ERBB2: variants seen among roughly 807,000 people sequenced by gnomAD.
The protein encoded by ERBB2 is erb-b2 receptor tyrosine kinase 2, also known as receptor tyrosine-protein kinase erbB-2.
ERBB2 carries 61 observed loss-of-function variants against 149.0 expected under a neutral mutation model. The ratio of observed to expected loss-of-function variants is 0.41; its 90% confidence interval spans 0.33 to 0.51. The LOEUF is 0.51. Ranked by LOEUF, ERBB2 falls within the 20% of genes least tolerant of loss-of-function variation. The probability of loss-of-function intolerance (pLI) is 0.25; values close to 1 mark genes in which losing one functional copy is unlikely to be tolerated. For missense variants in ERBB2, 1,205 were observed against 1,655.1 expected (o/e 0.73, Z 4.72); for synonymous variants, 633 against 678.8 (o/e 0.93, Z 1.05).
Position 39,709,436 on chromosome 17 carries a change from C to G in ERBB2, c.558C>G (p.Thr186=), listed in dbSNP as rs1406426210. The G allele has an allele frequency of 3.1e-6, 5 of 1,613,990 alleles. No individual in the cohort carries two copies. Among genetic ancestry groups the G allele is most frequent in the South Asian group, 1.1e-5 (1 of 91,076 alleles). ...NNQLALTLID[T]NRSRACHPCS... ...AGCTGGCTCTCACACTGATAGACAC[C>G]AACCGCTCTCGGGCCTGTAAGCCAT... Residue 186 remains threonine, a synonymous_variant, in exon 4 of 27, where the codon ACC becomes ACG. Transcript: ENST00000269571.
intron 9 of ERBB2, 31 bp downstream of exon 9, chr17:39,712,479 G>A: frequency 3.1e-6 from 5 of 1,610,280 alleles, no homozygotes; most frequent in Non-Finnish European, 4.2e-6. Flanking sequence ...CTGAGACAGT[G>A]TCAGGGCAGA....
At chr17:39,688,702 T>C (rs1057044878) in exon 2 of ERBB2, 5 of 152,380 alleles carry the variant, frequency 3.3e-5, no homozygotes, top group African/African-American at 9.7e-5. Flanking sequence ...CTAGTCGCAA[T>C]TGAAGTACCA....
intron 2 of ERBB2, 44 bp from the exon 3 acceptor site, chr17:39,708,277 T>A (rs752427170): frequency 6.6e-7 from 1 of 1,525,852 alleles, no homozygotes; most frequent in South Asian, 1.2e-5. Flanking sequence ...CCCTGGGGGG[T>A]GGCAGTGTTC....
chr17:39,703,474 G>A (rs942716802), intron 1 of ERBB2: 11 of 152,198 alleles, frequency 7.2e-5, no homozygotes, highest in African/African-American at 2.2e-4. Context: ...TTATTCTAGC[G>A]AATGTTTGTG....
At position 39,727,115 on chromosome 17, in the gene ERBB2, A is replaced by G. The variant is rs2059811857; in HGVS notation, c.3159+112A>G. On this transcript the variant is annotated intron_variant, in intron 25 of 26. Transcript: ENST00000269571. The surrounding 1 kb of genome is among the most constrained non-coding windows in gnomAD (Gnocchi z 4.3). ...AACTGTCACCTCTCAAGGAAACCCC[A>G]TTATCCCTACAAAAAATTCTTACTG... 3 of 1,251,374 alleles carry G rather than the reference A, an allele frequency of 2.4e-6. No homozygotes were observed. The highest frequency in any genetic ancestry group is 1.5e-5 in the African/African-American group (1 of 66,374). The allele number at this position is 1,251,374 out of a possible 1,614,324, so 77.5% of individuals were successfully genotyped here.
chr17:39,724,189 G>A (rs2059605536), intron 19 of ERBB2, among the ~76,000 whole-genome samples, 179 bp downstream of exon 19: 1 of 151,610 alleles, frequency 6.6e-6, no homozygotes, highest in South Asian at 2.1e-4. Flanking sequence ...CGTTATCTCG[G>A]CTCACTGCAA....
In ERBB2 at chr17:39,709,333, G is replaced by A. The variant is rs151122410; in HGVS notation, c.455G>A (p.Gly152Glu). Residue 152 changes from glycine (G) to glutamate (E), a missense_variant, in exon 4 of 27, where the codon GGG becomes GAG. By Grantham distance (98) the Gly-to-Glu change is moderately conservative. Transcript: ENST00000269571. ...LRSLTEILKGGVLIQRNPQLC... is the reference protein window; with the variant it reads ...LRSLTEILKGEVLIQRNPQLC... ...CACCCCACAGAGATCTTGAAAGGAG[G>A]GGTCTTGATCCAGCGGAACCCCCAG... 1 of 1,614,068 alleles carries A rather than the reference G, an allele frequency of 6.2e-7. No homozygotes were observed. The highest frequency in any genetic ancestry group is 8.5e-7 in the Non-Finnish European group (1 of 1,180,022).
upstream of ERBB2, among the ~76,000 whole-genome samples, chr17:39,699,343 C>A (rs1355114876): frequency 2.0e-5 from 3 of 152,020 alleles, no homozygotes; most frequent in East Asian, 5.8e-4. Flanking sequence ...TGCCTGTAAT[C>A]CCAGCTGCTC....
chr17:39,718,789 T>C (rs1217556461), intron 15 of ERBB2, among the ~76,000 whole-genome samples: 1 of 152,162 alleles, frequency 6.6e-6, no homozygotes, highest in Admixed American at 6.6e-5. Flanking sequence ...TTTCACTTTG[T>C]TTTTGAGGGA....
At chr17:39,691,114 A>C (rs2057686291), upstream of ERBB2, among the ~76,000 whole-genome samples, 2 of 152,056 alleles carry the variant, frequency 1.3e-5, no homozygotes, top group East Asian at 1.9e-4. Context: ...ATTGGTAGAG[A>C]GTCTACAATG....
At chr17:39,719,944 C>A in intron 16 of ERBB2, 110 bp downstream of exon 16, 1 of 975,164 alleles carries the variant, frequency 1.0e-6, no homozygotes. Context: ...CCTTCCCACC[C>A]ACTCTTCCAC....
rs376492786 is a variant in ERBB2, at chr17:39,709,138, T to C, written c.440-180T>C. 133 of 691,952 alleles carry C rather than the reference T, an allele frequency of 1.9e-4. No homozygotes were observed. In the African/African-American group the frequency reaches 2.1e-3, roughly 11 times the overall value. 42.9% of individuals were successfully genotyped at this position (691,952 alleles called of 1,614,324 possible). A position where few individuals can be genotyped will look rare whatever the true frequency, so the allele number is the denominator to read the frequency against. ...CACTCCTCCCTGGCTCTCGCTTTGT[T>C]CTTGTTGCGGGTGTGGTGGTGGTGG... On this transcript the variant is annotated intron_variant, in intron 3 of 26. Transcript: ENST00000269571.
chr17:39,709,572 C>T, intron 4 of ERBB2, 120 bp downstream of exon 4: 1 of 1,204,532 alleles, frequency 8.3e-7, no homozygotes, highest in Non-Finnish European at 1.2e-6. Flanking sequence ...CACCCATTTC[C>T]TCCCTCTCTG....
chr17:39,717,557 G>A (rs1388756390), intron 15 of ERBB2, 77 bp downstream of exon 15: 12 of 1,191,998 alleles, frequency 1.0e-5, no homozygotes, highest in East Asian at 5.2e-5. Flanking sequence ...CTATAAAAGG[G>A]GACCAACTCT....
At position 39,715,935 on chromosome 17, in the gene ERBB2, GT is replaced by G. The variant is rs1212456640; in HGVS notation, c.1510del (p.Cys504ValfsTer52). 1.9e-6 allele frequency: 3 copies of G among 1,608,558 alleles called. No individual in the cohort carries two copies. The highest frequency in any genetic ancestry group is 2.5e-6 in the Non-Finnish European group (3 of 1,179,944). On this transcript the variant is annotated frameshift_variant, in exon 12 of 27. Coordinates refer to ENST00000269571, the MANE Select transcript of ERBB2 (RefSeq NM_004448.4). LOFTEE classifies it high-confidence loss of function. ...ACACTGCCAACCGGCCAGAGGACGAGTGTGGTAAGACAGGGAGCCCAGTGTG... is the reference window on the plus strand; with the variant it reads ...ACACTGCCAACCGGCCAGAGGACGAGGTGGTAAGACAGGGAGCCCAGTGTG... ...LHTANRPEDE[C>X]VGEGLACHQL...
At chr17:39,692,046 G>T (rs1049673534), upstream of ERBB2, among the ~76,000 whole-genome samples, 1 of 150,788 alleles carries the variant, frequency 6.6e-6, no homozygotes, top group Non-Finnish European at 1.5e-5. Context: ...GTAGAGACAG[G>T]GCTTCACCAT....
At chr17:39,693,683 G>T (rs189876831), upstream of ERBB2, among the ~76,000 whole-genome samples, 8 of 151,582 alleles carry the variant, frequency 5.3e-5, no homozygotes, top group Admixed American at 2.0e-4. Context: ...GCTTGAACCC[G>T]GGAGGCAGAG....
Position 39,725,658 on chromosome 17 carries a change from A to G in ERBB2, c.2726-49A>G, listed in dbSNP as rs767809125. The G allele has an allele frequency of 6.4e-7, 1 of 1,566,744 alleles. No homozygotes were observed. Among genetic ancestry groups the G allele is most frequent in the Non-Finnish European group, 8.7e-7 (1 of 1,155,780 alleles). On this transcript the variant is annotated intron_variant, in intron 22 of 26. Coordinates refer to ENST00000269571, the MANE Select transcript of ERBB2 (RefSeq NM_004448.4). The surrounding 1 kb of genome is among the most constrained non-coding windows in gnomAD (Gnocchi z 4.6). ...CTGAGCAGAACCTCTGGCTCAGTAC[A>G]CTAAAGCTCCCTCTGGCCCTCCCAC...
chr17:39,694,197 A>G (rs2057774611), upstream of ERBB2, among the ~76,000 whole-genome samples: 1 of 5,944 alleles, frequency 1.7e-4, no homozygotes, highest in Non-Finnish European at 5.3e-4. Flanking sequence ...GTCTCAGAAA[A>G]AAAAAAAAAA....
Sources: allele counts gnomAD v4.1 joint callset (sites outside exome capture counted in the v4.1 genomes callset), GRCh38; gene constraint gnomAD v4.1.1; non-coding constraint Gnocchi (gnomAD v3.1); transcripts MANE v1.5; gene names NCBI Gene and HGNC (gene_info 2026-07-23, HGNC 2026-07-21).